The following NAV3 variants were observed in gnomAD, a reference collection of about 807,000 sequenced individuals.
The protein encoded by NAV3 is neuron navigator 3.
A neutral mutation model predicts 244.7 loss-of-function variants in NAV3; 87 were observed. That is an observed-to-expected ratio of 0.36 (90% CI 0.30 to 0.42). The LOEUF (loss-of-function observed/expected upper bound fraction) is 0.42, where lower values mean the gene tolerates loss of function less well. Ranked by LOEUF, NAV3 falls within the 20% of genes least tolerant of loss-of-function variation. The pLI, the probability that NAV3 is intolerant of heterozygous loss-of-function variation, is 1.00. For synonymous variants in NAV3, 1,126 were observed against 1,042.2 expected, an observed-to-expected ratio of 1.08 and a Z score of -1.55; for missense variants, 2,663 against 2,893.3, an observed-to-expected ratio of 0.92 and a Z score of 1.83.
chr12:77,689,254 A>C (rs1266869615), intron 2 of NAV3, among the ~76,000 whole-genome samples: 1 of 151,956 alleles, frequency 6.6e-6, no homozygotes, highest in Non-Finnish European at 1.5e-5. Flanking sequence ...AAGTCTCAGA[A>C]AGCTCAACAT....
rs28367260 is a variant in NAV3, at chr12:77,771,926, T to A, written c.73-168393T>A. Among the ~76,000 whole-genome samples the A allele has an allele frequency of 4.5e-4, 8 of 17,608 alleles. No individual in the cohort carries two copies. The Non-Finnish European group carries it at 8.1e-3, about 18-fold the overall frequency. 11.6% of individuals were successfully genotyped at this position (17,608 alleles called of 152,430 possible). On this transcript the variant is annotated intron_variant, in intron 2 of 8. Coordinates refer to the NAV3 transcript ENST00000550042. Reference sequence around the variant, plus strand: ...TTAAAGTGTAATAATAATAAAAAAATTAAAAAAAAATGTAACCATTTGGAT... The same window carrying A: ...TTAAAGTGTAATAATAATAAAAAAAATAAAAAAAAATGTAACCATTTGGAT...
intron 2 of NAV3, among the ~76,000 whole-genome samples, chr12:77,744,110 A>G (rs540080668): frequency 1.3e-5 from 2 of 152,106 alleles, no homozygotes; most frequent in Admixed American, 6.6e-5. Flanking sequence ...AGGATAACCA[A>G]ATCATTTTAT....
intron 1 of NAV3, among the ~76,000 whole-genome samples, chr12:77,873,736 G>A (rs1881380828): frequency 1.6e-5 from 1 of 62,088 alleles, no homozygotes; most frequent in South Asian, 1.0e-3. Flanking sequence ...AAATACATAT[G>A]TGTGTGTGTA....
chr12:77,720,050 T>G (rs1349288467), intron 2 of NAV3, among the ~76,000 whole-genome samples: 2 of 152,160 alleles, frequency 1.3e-5, no homozygotes, highest in African/African-American at 4.8e-5. Flanking sequence ...TTTTATGAGT[T>G]CATCCATTTC....
chr12:77,805,412 C>T (rs1056200726), intron 2 of NAV3, among the ~76,000 whole-genome samples: 1 of 152,144 alleles, frequency 6.6e-6, no homozygotes, highest in Non-Finnish European at 1.5e-5. Context: ...TTTTCTGCAT[C>T]TATTGAGATA....
intron 3 of NAV3, among the ~76,000 whole-genome samples, chr12:77,943,513 A>AT (rs1257048894): frequency 1.3e-5 from 2 of 152,184 alleles, no homozygotes; most frequent in African/African-American, 4.8e-5. Flanking sequence ...TGGCTGAATT[A>AT]TTTTTGCCTC....
intron 1 of NAV3, among the ~76,000 whole-genome samples, chr12:77,905,709 G>C (rs183757840): frequency 6.6e-6 from 1 of 152,104 alleles, no homozygotes; most frequent in African/African-American, 2.4e-5. Context: ...TCCAGGAATA[G>C]TATGTTTAGC....
At chr12:77,753,279 C>T (rs1868954339) in intron 2 of NAV3, among the ~76,000 whole-genome samples, 1 of 152,078 alleles carries the variant, frequency 6.6e-6, no homozygotes, top group Non-Finnish European at 1.5e-5. Flanking sequence ...TCATGAGCAC[C>T]CTGTCTTGCA....
intron 2 of NAV3, among the ~76,000 whole-genome samples, chr12:77,817,441 A>T (rs544292452): frequency 3.1e-4 from 47 of 152,300 alleles, no homozygotes; most frequent in Middle Eastern, 3.4e-3. Flanking sequence ...ACTTAATATA[A>T]GAAGTTTTTT....
chr12:77,792,643 G>A (rs151304689), intron 2 of NAV3, among the ~76,000 whole-genome samples: 2 of 152,306 alleles, frequency 1.3e-5, no homozygotes, highest in East Asian at 3.9e-4. Flanking sequence ...AGTACTCCCG[G>A]AAAATTTTGC....
intron 12 of NAV3, among the ~76,000 whole-genome samples, chr12:78,071,412 T>C (rs1429360989): frequency 6.6e-6 from 1 of 152,028 alleles, no homozygotes; most frequent in Non-Finnish European, 1.5e-5. Flanking sequence ...TTGTTTTTTT[T>C]CTTGTAAATT....
chr12:77,942,468 C>T lies in NAV3; in HGVS notation c.414+1335C>T, dbSNP rs143029207. Among the ~76,000 whole-genome samples the T allele has an allele frequency of 4.5e-4, 69 of 151,862 alleles. No individual in the cohort carries two copies. The East Asian group carries it at 0.013, about 28-fold the overall frequency. On this transcript the variant is annotated intron_variant, in intron 3 of 39. Transcript: ENST00000397909. ...AGGACCTATTATGATGTCATGAACT[C>T]TGTGTATATGGTTGTGAAAAAAATC...
intron 22 of NAV3, among the ~76,000 whole-genome samples, chr12:78,154,283 A>ATAGTATATATTACTATATATACTACTATC (rs1957198512): frequency 1.4e-5 from 1 of 73,514 alleles, no homozygotes; most frequent in Admixed American, 2.0e-4. Flanking sequence ...ATTACTATAT[A>ATAGTATATATTACTATATATACTACTATC]TACTACTATA....
At chr12:77,891,671 CA>C (rs1883956175) in intron 1 of NAV3, among the ~76,000 whole-genome samples, 1 of 152,204 alleles carries the variant, frequency 6.6e-6, no homozygotes, top group Admixed American at 6.5e-5. Context: ...AATAACTTAA[CA>C]AACACTGTTT....
At chr12:77,659,324 G>A (rs1383083022) in intron 2 of NAV3, among the ~76,000 whole-genome samples, 5 of 151,780 alleles carry the variant, frequency 3.3e-5, no homozygotes, top group South Asian at 4.2e-4. Flanking sequence ...CTTCTCAAAA[G>A]AAGACATTTA....
chr12:77,625,353 T>G (rs984697759), intron 2 of NAV3, among the ~76,000 whole-genome samples: 1 of 152,292 alleles, frequency 6.6e-6, no homozygotes, highest in African/African-American at 2.4e-5. Flanking sequence ...AATAACTAAT[T>G]GCTTTTAGTT....
At chr12:77,848,205 A>G (rs1301496714) in intron 1 of NAV3, among the ~76,000 whole-genome samples, 1 of 152,238 alleles carries the variant, frequency 6.6e-6, no homozygotes, top group Non-Finnish European at 1.5e-5. Context: ...TGAGTAAGAC[A>G]TAAGTCAAGG....
intron 2 of NAV3, among the ~76,000 whole-genome samples, chr12:77,731,946 G>C (rs1349301547): frequency 1.3e-5 from 2 of 152,032 alleles, no homozygotes; most frequent in South Asian, 2.1e-4. Context: ...GCATTGAGGG[G>C]AAGGACAGTT....
intron 2 of NAV3, among the ~76,000 whole-genome samples, chr12:77,698,794 C>G (rs1565777160): frequency 6.6e-6 from 1 of 152,020 alleles, no homozygotes. Context: ...GATGTTCAAG[C>G]CCTAACAGCT....
Sources: allele counts gnomAD v4.1 joint callset (sites outside exome capture counted in the v4.1 genomes callset), GRCh38; gene constraint gnomAD v4.1.1; transcripts MANE v1.5; gene names NCBI Gene and HGNC (gene_info 2026-07-23, HGNC 2026-07-21).